The following AGBL4 variants were observed in gnomAD, a reference collection of about 807,000 sequenced individuals.
AGBL4 encodes the protein cytosolic carboxypeptidase 6.
AGBL4 carries 58 observed loss-of-function variants against 66.4 expected under a neutral mutation model. The ratio of observed to expected loss-of-function variants is 0.87; its 90% CI spans 0.71 to 1.09. The LOEUF (loss-of-function observed/expected upper bound fraction) is 1.09, where lower values mean the gene tolerates loss of function less well. Ranked by LOEUF, AGBL4 falls within the 50% of genes least tolerant of loss-of-function variation. The probability of loss-of-function intolerance (pLI) is 0.00; values close to 1 mark genes in which losing one functional copy is unlikely to be tolerated. For synonymous variants in AGBL4, 234 were observed against 222.9 expected (o/e 1.05, Z -0.44); for missense variants, 579 against 631.0 (o/e 0.92, Z 0.88).
chr1:48,682,644 T>G (rs886934885), intron 6 of AGBL4, among the ~76,000 whole-genome samples: 4 of 152,176 alleles, frequency 2.6e-5, no homozygotes, highest in African/African-American at 9.7e-5. Flanking sequence ...CTGCCTGTCT[T>G]GGCCTCCCAA....
At chr1:49,831,779 G>C (rs567624556) in intron 2 of AGBL4, among the ~76,000 whole-genome samples, 8 of 152,182 alleles carry the variant, frequency 5.3e-5, no homozygotes, top group Non-Finnish European at 1.0e-4. Flanking sequence ...TTTGAGATAT[G>C]TTCCATCAAT....
intron 6 of AGBL4, among the ~76,000 whole-genome samples, chr1:48,668,393 C>T (rs550631086): frequency 1.3e-5 from 2 of 148,752 alleles, no homozygotes; most frequent in Non-Finnish European, 3.0e-5. Flanking sequence ...TTCAGCAGTG[C>T]TCTATTGTTT....
chr1:48,887,949 T>A (rs940804550), intron 5 of AGBL4, among the ~76,000 whole-genome samples: 2 of 152,156 alleles, frequency 1.3e-5, no homozygotes, highest in African/African-American at 4.8e-5. Context: ...AAATTAATGA[T>A]CAGACTGGGA....
At chr1:49,395,562 G>T (rs1416734636) in intron 3 of AGBL4, among the ~76,000 whole-genome samples, 2 of 149,444 alleles carry the variant, frequency 1.3e-5, no homozygotes, top group Non-Finnish European at 3.0e-5. Flanking sequence ...GTGTGTGTGT[G>T]TGATATTATA....
chr1:49,667,563 T>C (rs1646395331), intron 3 of AGBL4, among the ~76,000 whole-genome samples: 1 of 152,192 alleles, frequency 6.6e-6, no homozygotes, highest in Non-Finnish European at 1.5e-5. Context: ...TAGAATATAA[T>C]TTTGTAGGCC....
chr1:49,948,337 A>T (rs1215875159), intron 1 of AGBL4, among the ~76,000 whole-genome samples: 1 of 106,476 alleles, frequency 9.4e-6, no homozygotes, highest in Non-Finnish European at 1.7e-5. Flanking sequence ...AACATATATA[A>T]ATATATAAAT....
In AGBL4 at chr1:48,736,146, C is replaced by T. The variant is rs562403303; in HGVS notation, c.635-72905G>A. On this transcript the variant is annotated intron_variant, in intron 6 of 13. Transcript: ENST00000371839. This position sits in a 1 kb window ranked among gnomAD's most constrained non-coding sequence, Gnocchi z 4.0. ...CCCAGGGTCTGGCATGCAGAAGCTT[C>T]ATAAGTAATCGTTGAATTGAATTGT... The T allele has an allele frequency of 4.2e-6, 6 of 1,416,062 alleles. No individual in the cohort carries two copies. The highest frequency in any genetic ancestry group is 4.6e-5 in the East Asian group (2 of 43,792). The allele number at this position is 1,416,062 out of a possible 1,614,324, so 87.7% of individuals were successfully genotyped here.
rs963839693 is a variant in AGBL4 at position 50,023,884 on chromosome 1, C to T, written c.-88G>A. The T allele has an allele frequency of 2.1e-6, 3 of 1,418,390 alleles. No homozygotes were observed. The Admixed American group carries it at 7.7e-5, about 37-fold the overall frequency. 87.9% of individuals were successfully genotyped at this position (1,418,390 alleles called of 1,614,324 possible). On this transcript the variant is annotated 5_prime_UTR_variant, in exon 1 of 14. Transcript: ENST00000371839. ...GGGATCAGTGGGCTGACAGGAGCTA[C>T]CTCAGGAAGACGCGGCACGACGGTT...
rs867706522 is a variant in AGBL4, at chr1:49,596,060, G to C, written c.282+101253C>G. 2.6e-5 allele frequency among the ~76,000 whole-genome samples: 4 copies of C among 152,090 alleles called. No homozygotes were observed. The South Asian group carries it at 6.2e-4, about 24-fold the overall frequency. Reference sequence around the variant, plus strand: ...CAGGTTCTAAACACAGAAAGAATGAGAATTTTGACCAAAAACCCACAGGTA... The same window carrying C: ...CAGGTTCTAAACACAGAAAGAATGACAATTTTGACCAAAAACCCACAGGTA... On this transcript the variant is annotated intron_variant, in intron 3 of 13. Coordinates refer to ENST00000371839, the MANE Select transcript of AGBL4 (RefSeq NM_032785.4).
intron 1 of AGBL4, among the ~76,000 whole-genome samples, chr1:49,918,188 A>G (rs1168859987): frequency 1.3e-5 from 2 of 152,194 alleles, no homozygotes; most frequent in Non-Finnish European, 2.9e-5. Context: ...GAGAAGCAAG[A>G]GCAAACACAT....
chr1:49,926,819 T>C (rs1652825096), intron 1 of AGBL4, among the ~76,000 whole-genome samples: 1 of 152,034 alleles, frequency 6.6e-6, no homozygotes, highest in Admixed American at 6.6e-5. Flanking sequence ...ATTAGTAAGC[T>C]CAAAGACAGG....
intron 7 of AGBL4, among the ~76,000 whole-genome samples, chr1:48,657,684 C>T (rs557289626): frequency 6.6e-6 from 1 of 152,182 alleles, no homozygotes; most frequent in East Asian, 1.9e-4. Flanking sequence ...TAGAAGGTGG[C>T]ACCAATGATA....
chr1:48,775,877 C>T (rs1645053788), intron 6 of AGBL4, among the ~76,000 whole-genome samples: 1 of 152,206 alleles, frequency 6.6e-6, no homozygotes. Flanking sequence ...CTCTCCTGGC[C>T]CTCAACTCTC....
At chr1:49,305,837 A>G (rs1557824832) in intron 3 of AGBL4, among the ~76,000 whole-genome samples, 2 of 151,974 alleles carry the variant, frequency 1.3e-5, no homozygotes, top group African/African-American at 4.8e-5. Flanking sequence ...ATTACAGGCA[A>G]GTGCCACCAC....
At position 49,562,773 on chromosome 1, in the gene AGBL4, G is replaced by T. The variant is rs183519306; in HGVS notation, c.282+134540C>A. ...CTCCAGCTTTGTTCTTTTGGCTTAG[G>T]ATTGACTTGGCAATGTGGGCTCTTT... On this transcript the variant is annotated intron_variant, in intron 3 of 13. Coordinates refer to ENST00000371839, the MANE Select transcript of AGBL4 (RefSeq NM_032785.4). 3.3e-5 allele frequency among the ~76,000 whole-genome samples: 5 copies of T among 152,224 alleles called. 1 individual carries two copies. In the East Asian group the frequency reaches 9.6e-4, roughly 29 times the overall value.
At chr1:49,091,390 A>G (rs1449832346) in intron 4 of AGBL4, among the ~76,000 whole-genome samples, 1 of 152,164 alleles carries the variant, frequency 6.6e-6, no homozygotes, top group Non-Finnish European at 1.5e-5. Context: ...CAAACAAAAA[A>G]CAACCATATT....
At chr1:49,642,407 G>A (rs1645800238) in intron 3 of AGBL4, among the ~76,000 whole-genome samples, 1 of 151,932 alleles carries the variant, frequency 6.6e-6, no homozygotes, top group Non-Finnish European at 1.5e-5. Context: ...AGAAACCCAG[G>A]AAGATCCTTG....
intron 3 of AGBL4, among the ~76,000 whole-genome samples, chr1:49,601,462 G>A (rs986455334): frequency 5.9e-5 from 9 of 151,776 alleles, no homozygotes; most frequent in Admixed American, 1.3e-4. Flanking sequence ...GTTCTACAAG[G>A]CTACAGTAAC....
intron 1 of AGBL4, among the ~76,000 whole-genome samples, chr1:49,883,685 G>C (rs1319849259): frequency 1.3e-5 from 2 of 151,990 alleles, no homozygotes; most frequent in Non-Finnish European, 2.9e-5. Flanking sequence ...TAAGAGCATA[G>C]TGGTCATGTT....
Sources: gnomAD v4.1 joint callset for allele counts (sites outside exome capture counted in the v4.1 genomes callset) on GRCh38, gnomAD v4.1.1 for gene constraint, Gnocchi (gnomAD v3.1) non-coding constraint, MANE v1.5 for transcripts, NCBI Gene and HGNC (gene_info 2026-07-23, HGNC 2026-07-21) for gene names.